TFDP1: variants seen among roughly 807,000 people sequenced by gnomAD.
TFDP1 encodes the protein DRTF1-polypeptide 1.
Under a neutral mutation model 48.0 loss-of-function variants are expected in TFDP1, and 6 were observed. The ratio of observed to expected loss-of-function variants is 0.13; its 90% CI spans 0.07 to 0.25. The LOEUF is 0.25. TFDP1 is among the 10% of genes least tolerant of loss of function. The pLI, the probability that TFDP1 is intolerant of heterozygous loss-of-function variation, is 1.00. For synonymous variants in TFDP1, 201 were observed against 211.6 expected, an observed-to-expected ratio of 0.95 and a Z score of 0.44; for missense variants, 335 against 543.0, an observed-to-expected ratio of 0.62 and a Z score of 3.81.
chr13:113,590,733 G>A (rs1358650203), intron 2 of TFDP1, among the ~76,000 whole-genome samples: 6 of 152,010 alleles, frequency 3.9e-5, no homozygotes, highest in Non-Finnish European at 5.9e-5. Context: ...AGGTTGGGCC[G>A]GGCGCAGTGG....
chr13:113,629,319 G>A (rs574769012), intron 4 of TFDP1, among the ~76,000 whole-genome samples: 6 of 152,344 alleles, frequency 3.9e-5, no homozygotes, highest in Admixed American at 6.5e-5. Context: ...CTGGTGGCTC[G>A]TTCTCAGGGT....
At chr13:113,618,224 TTAAAAC>T (rs2048910683) in intron 3 of TFDP1, among the ~76,000 whole-genome samples, 1 of 152,136 alleles carries the variant, frequency 6.6e-6, no homozygotes, top group Non-Finnish European at 1.5e-5. Flanking sequence ...TATTGCCAGA[TTAAAAC>T]TAAATGATTG....
chr13:113,610,162 G>A lies in TFDP1; in HGVS notation c.13-834G>A, dbSNP rs4150722. ...GTCATGTGTGTGCCCCTGCTGTGTG[G>A]CTATACTGTCATGTGTGTGCCCCTG... On this transcript the variant is annotated intron_variant, in intron 2 of 11. Coordinates refer to ENST00000375370, the MANE Select transcript of TFDP1 (RefSeq NM_007111.5). Among the ~76,000 whole-genome samples the A allele has an allele frequency of 6.3e-3, 948 of 150,874 alleles. 33 individuals are homozygous for A. The East Asian group carries it at 0.11, about 17-fold the overall frequency.
In TFDP1 at chr13:113,598,895, T is replaced by C. The variant is rs1269859354; in HGVS notation, c.13-12101T>C. Among the ~76,000 whole-genome samples, 5 of 152,234 alleles carry C rather than the reference T, an allele frequency of 3.3e-5. No individual in the cohort carries two copies. Among genetic ancestry groups the C allele is most frequent in the Admixed American group, 6.5e-5 (1 of 15,284 alleles). ...TGGATCTTGTTAGGTGTGTGGCTTT[T>C]CCCTTAGTTTAGAAAATGAAATCGC... is the stretch of plus-strand genomic sequence containing the variant. On this transcript the variant is annotated intron_variant, in intron 2 of 11. Transcript: ENST00000375370. The surrounding 1 kb of genome is among the most constrained non-coding windows in gnomAD (Gnocchi z 4.2).
At chr13:113,613,943 TGC>T (rs1195007223) in intron 3 of TFDP1, among the ~76,000 whole-genome samples, 9 of 150,972 alleles carry the variant, frequency 6.0e-5, no homozygotes, top group Non-Finnish European at 4.4e-5. Context: ...TGCGTGTGTG[TGC>T]ATGTGAATTG....
chr13:113,632,090 T>C (rs1594527409), intron 5 of TFDP1, among the ~76,000 whole-genome samples: 1 of 152,224 alleles, frequency 6.6e-6, no homozygotes, highest in Admixed American at 6.5e-5. Context: ...GCTGGGAGCA[T>C]GTGGGATGGA....
chr13:113,630,519 A>G (rs1185207381), intron 4 of TFDP1, among the ~76,000 whole-genome samples: 1 of 152,158 alleles, frequency 6.6e-6, no homozygotes, highest in Non-Finnish European at 1.5e-5. Context: ...AGCTCAGGGC[A>G]TCGGCCACAT....
intron 2 of TFDP1, among the ~76,000 whole-genome samples, chr13:113,606,207 C>A (rs971856410): frequency 2.6e-5 from 4 of 151,700 alleles, no homozygotes; most frequent in Non-Finnish European, 4.4e-5. Context: ...GGTTGAGTGT[C>A]CGCAGGGGAG....
intron 2 of TFDP1, among the ~76,000 whole-genome samples, chr13:113,608,625 C>G (rs1204847592): frequency 4.6e-5 from 7 of 152,240 alleles, no homozygotes; most frequent in Non-Finnish European, 1.5e-5. Flanking sequence ...AACCTCCTGG[C>G]TGTAACTTCC....
chr13:113,596,916 G>A (rs2048301884), intron 2 of TFDP1, among the ~76,000 whole-genome samples: 4 of 152,228 alleles, frequency 2.6e-5, no homozygotes, highest in Admixed American at 2.6e-4. Context: ...GAGACAGAAA[G>A]GCTGCGCGTC....
At chr13:113,634,739 A>G (rs1034371602) in intron 8 of TFDP1, 137 bp downstream of exon 8, 1 of 679,068 alleles carries the variant, frequency 1.5e-6, no homozygotes, top group Admixed American at 3.0e-5. Context: ...GTGTGAGTTC[A>G]TCTCATAGGT....
intron 9 of TFDP1, 61 bp from the exon 10 acceptor site, chr13:113,636,473 C>G (rs1438987910): frequency 6.3e-7 from 1 of 1,580,364 alleles, no homozygotes; most frequent in Non-Finnish European, 8.6e-7. Flanking sequence ...CTGGCTCCAC[C>G]CCAGTGTGTA....
chr13:113,629,993 G>A (rs747255887), intron 4 of TFDP1, among the ~76,000 whole-genome samples: 11 of 152,208 alleles, frequency 7.2e-5, no homozygotes, highest in Admixed American at 1.3e-4. Flanking sequence ...ACTGCCTGGC[G>A]TGGAGCTGGC....
intron 3 of TFDP1, among the ~76,000 whole-genome samples, chr13:113,622,705 C>T (rs1458392335): frequency 1.3e-5 from 2 of 152,148 alleles, no homozygotes; most frequent in African/African-American, 4.8e-5. Flanking sequence ...TGTTTAGAGC[C>T]GCAGCCTCTG....
At position 113,641,344 on chromosome 13, in the gene TFDP1, C is replaced by A. The variant is rs930270498; in HGVS notation, c.*1077C>A. 5.3e-5 allele frequency: 8 copies of A among 152,178 alleles called. No individual in the cohort carries two copies. The highest frequency in any genetic ancestry group is 1.3e-4 in the Admixed American group (2 of 15,276). The allele number at this position is 152,178 out of a possible 1,614,324, so 9.4% of individuals were successfully genotyped here. The stretch of plus-strand genomic sequence containing the variant: ...TAGCTGCCTGTTCTAAAACGATAGT[C>A]TTTTTATTGAAACACAAATAAACTT... On this transcript the variant is annotated 3_prime_UTR_variant, in exon 12 of 12. Coordinates refer to ENST00000375370, the MANE Select transcript of TFDP1 (RefSeq NM_007111.5).
intron 2 of TFDP1, among the ~76,000 whole-genome samples, chr13:113,606,116 G>GT (rs1323866628): frequency 6.9e-6 from 1 of 144,854 alleles, no homozygotes; most frequent in Non-Finnish European, 1.5e-5. Context: ...CGGCGTGGTG[G>GT]TGAGTGTCTG....
Position 113,611,019 on chromosome 13 carries a change from A to T in TFDP1, c.36A>T (p.Gly12=). ...AKDAGLIEAN[G]ELKVFIDQNL... ...AGGCCGGTCTAATTGAAGCCAACGGAGAACTCAAGGTCTTCATAGACCAGA... is the reference window on the plus strand; with the variant it reads ...AGGCCGGTCTAATTGAAGCCAACGGTGAACTCAAGGTCTTCATAGACCAGA... The change falls in exon 3 of 12, where the codon GGA becomes GGT. Residue 12 remains glycine, a synonymous_variant. Transcript: ENST00000375370. 1 of 1,614,158 alleles carries T rather than the reference A, an allele frequency of 6.2e-7. No homozygotes were observed. The highest frequency in any genetic ancestry group is 8.5e-7 in the Non-Finnish European group (1 of 1,180,024).
At position 113,633,845 on chromosome 13, in the gene TFDP1, G is replaced by A. The variant is rs201507133; in HGVS notation, c.475-45G>A. On this transcript the variant is annotated intron_variant, in intron 6 of 11. Coordinates refer to ENST00000375370, the MANE Select transcript of TFDP1 (RefSeq NM_007111.5). This position sits in a 1 kb window ranked among gnomAD's most constrained non-coding sequence, Gnocchi z 4.5. Reference sequence around the variant, plus strand: ...ATGGTCTACAGTTTAAGGATCCACCGGCCTTTTTGGATCATTTGGAAACTC... The same window carrying A: ...ATGGTCTACAGTTTAAGGATCCACCAGCCTTTTTGGATCATTTGGAAACTC... 8.8e-5 allele frequency: 139 copies of A among 1,570,974 alleles called. No homozygotes were observed. The East Asian group carries it at 2.2e-3, about 25-fold the overall frequency.
chr13:113,610,410 C>A (rs980615455), intron 2 of TFDP1, among the ~76,000 whole-genome samples: 1 of 151,818 alleles, frequency 6.6e-6, no homozygotes, highest in South Asian at 2.1e-4. Context: ...TCATACGTGC[C>A]CCCACTTTGT....
Sources: gnomAD v4.1 joint callset for allele counts (sites outside exome capture counted in the v4.1 genomes callset) on GRCh38, gnomAD v4.1.1 for gene constraint, Gnocchi (gnomAD v3.1) non-coding constraint, MANE v1.5 for transcripts, NCBI Gene and HGNC (gene_info 2026-07-23, HGNC 2026-07-21) for gene names.